Variants in DOT1L observed in about 807,000 individuals in gnomAD.
The protein encoded by DOT1L is histone-lysine N-methyltransferase, H3 lysine-79 specific.
A neutral mutation model predicts 153.3 loss-of-function variants in DOT1L; 33 were observed. The ratio of observed to expected loss-of-function variants is 0.22; its 90% CI spans 0.16 to 0.29. DOT1L has a LOEUF of 0.29. DOT1L is among the 10% of genes least tolerant of loss of function. The pLI is 1.00. For missense variants in DOT1L, 1,847 were observed against 2,119.9 expected (o/e 0.87, Z 2.53); for synonymous variants, 1,135 against 965.1 (o/e 1.18, Z -3.26).
At position 2,190,878 on chromosome 19, in the gene DOT1L, C is replaced by T. The variant is rs2022763132; in HGVS notation, c.265-134C>T. 6.2e-6 allele frequency: 5 copies of T among 806,578 alleles called. No individual in the cohort carries two copies. Among genetic ancestry groups the T allele is most frequent in the Admixed American group, 2.5e-5 (1 of 39,402 alleles). The allele number at this position is 806,578 out of a possible 1,614,324, so 50.0% of individuals were successfully genotyped here. On this transcript the variant is annotated intron_variant, in intron 4 of 27. Coordinates refer to ENST00000398665, the MANE Select transcript of DOT1L (RefSeq NM_032482.3). The surrounding 1 kb of genome is among the most constrained non-coding windows in gnomAD (Gnocchi z 4.8). ...GTTGGAAACTGACCTGGGAGCCCGGCAGCCACCCTGCAGGGGGACGAGAGG... is the reference window on the plus strand; with the variant it reads ...GTTGGAAACTGACCTGGGAGCCCGGTAGCCACCCTGCAGGGGGACGAGAGG...
At chr19:2,194,726 G>T (rs1014683214) in intron 7 of DOT1L, 149 bp downstream of exon 7, 26 of 848,166 alleles carry the variant, frequency 3.1e-5, no homozygotes, top group Non-Finnish European at 4.3e-5. Context: ...TCGTAGGGCT[G>T]CCTGGGCGTG....
At chr19:2,211,658 G>A (rs2023719731) in intron 15 of DOT1L, 93 bp from the exon 16 acceptor site, 11 of 1,127,730 alleles carry the variant, frequency 9.8e-6, no homozygotes, top group Middle Eastern at 2.0e-4. Flanking sequence ...GACACCTGCC[G>A]AGGCCTGGGA....
chr19:2,174,673 G>A (rs1190831492), intron 1 of DOT1L, among the ~76,000 whole-genome samples: 1 of 151,968 alleles, frequency 6.6e-6, no homozygotes, highest in Non-Finnish European at 1.5e-5. Flanking sequence ...AGGCTGGAGT[G>A]CAGTGGTGTG....
In DOT1L at chr19:2,207,325, C is replaced by T. The variant is rs1307220378; in HGVS notation, c.857-249C>T. Among the ~76,000 whole-genome samples the T allele has an allele frequency of 6.6e-6, 1 of 152,238 alleles. No individual in the cohort carries two copies. The highest frequency in any genetic ancestry group is 1.5e-5 in the Non-Finnish European group (1 of 68,034). On this transcript the variant is annotated intron_variant, in intron 10 of 27. Coordinates refer to ENST00000398665, the MANE Select transcript of DOT1L (RefSeq NM_032482.3). The surrounding 1 kb of genome is among the most constrained non-coding windows in gnomAD (Gnocchi z 4.5). Reference sequence around the variant, plus strand: ...GTCGCTTCCAGATCTTCTCCCCCTCCTTTTCCATTCCACTCAGCTGGGTTT... The same window carrying T: ...GTCGCTTCCAGATCTTCTCCCCCTCTTTTTCCATTCCACTCAGCTGGGTTT...
chr19:2,218,604 A>G lies in DOT1L; in HGVS notation c.2691+686A>G, dbSNP rs59833042. On this transcript the variant is annotated intron_variant, in intron 22 of 27. Transcript: ENST00000398665. The stretch of plus-strand genomic sequence containing the variant: ...GAGATGGGGTTTCACCGTGTTAGCC[A>G]GGATGGTCTTGATCTCCTGACCTAG... Among the ~76,000 whole-genome samples the G allele has an allele frequency of 6.7e-3, 1,014 of 152,118 alleles. 6 individuals carry two copies. The highest frequency in any genetic ancestry group is 0.022 in the African/African-American group (922 of 41,496).
chr19:2,211,615 A>T, intron 15 of DOT1L, 136 bp from the exon 16 acceptor site: 1 of 734,502 alleles, frequency 1.4e-6, no homozygotes, highest in Non-Finnish European at 2.2e-6. Context: ...GGGCCCCGCC[A>T]GGCTCTGCTG....
At position 2,214,518 on chromosome 19, in the gene DOT1L, G is replaced by C. The variant is rs777836214; in HGVS notation, c.1845G>C (p.Ser615=). 6.2e-7 allele frequency: 1 copy of C among 1,613,156 alleles called. No individual in the cohort carries two copies. The highest frequency in any genetic ancestry group is 8.5e-7 in the Non-Finnish European group (1 of 1,179,908). The stretch of plus-strand genomic sequence containing the variant: ...TGCAGCTGGACTGGGCCACGCTGTC[G>C]CTGGAGAAGCTGTTGAAGGAGAAGC... ...EELQLDWATL[S]LEKLLKEKQA... The change falls in exon 19 of 28, where the codon TCG becomes TCC. Residue 615 remains serine (S), a synonymous_variant. Coordinates refer to ENST00000398665, the MANE Select transcript of DOT1L (RefSeq NM_032482.3).
At chr19:2,195,968 G>T (rs2023001637) in intron 7 of DOT1L, among the ~76,000 whole-genome samples, 1 of 152,246 alleles carries the variant, frequency 6.6e-6, no homozygotes, top group Non-Finnish European at 1.5e-5. Context: ...TCCTCAGCAG[G>T]GTGCGTGGAG....
At chr19:2,172,178 G>A (rs935896292) in intron 1 of DOT1L, among the ~76,000 whole-genome samples, 3 of 151,174 alleles carry the variant, frequency 2.0e-5, no homozygotes, top group African/African-American at 7.3e-5. Flanking sequence ...TTTCTTTTTT[G>A]TTTTCTTTTC....
chr19:2,181,795 C>T (rs562878490), intron 2 of DOT1L, among the ~76,000 whole-genome samples: 3 of 151,936 alleles, frequency 2.0e-5, no homozygotes, highest in African/African-American at 7.2e-5. Context: ...GCCCCAGCCC[C>T]AGCCCAGCTG....
In DOT1L at chr19:2,222,055, G is replaced by A. The variant is rs770515105; in HGVS notation, c.2886G>A (p.Pro962=). Residue 962 remains proline (P), a synonymous_variant, in exon 24 of 28, where the codon CCG becomes CCA. Transcript: ENST00000398665. This position sits in a 1 kb window ranked among gnomAD's most constrained non-coding sequence, Gnocchi z 6.5. The part of the protein sequence containing the change: ...SPASLTPGAE[P]ATLDESSSSG... ...CCTCTCTCACACCTGGAGCCGAGCCGGCCACCTTGGATGAGTCCTCCAGCT... is the reference window on the plus strand; with the variant it reads ...CCTCTCTCACACCTGGAGCCGAGCCAGCCACCTTGGATGAGTCCTCCAGCT... 3.0e-5 allele frequency: 49 copies of A among 1,613,214 alleles called. 2 individuals carry two copies. The South Asian group carries it at 4.0e-4, about 13-fold the overall frequency.
At chr19:2,174,835 A>G (rs1053465781) in intron 1 of DOT1L, among the ~76,000 whole-genome samples, 1 of 151,602 alleles carries the variant, frequency 6.6e-6, no homozygotes, top group African/African-American at 2.4e-5. Flanking sequence ...GAGGGTCTCA[A>G]TATGTTGTCC....
intron 22 of DOT1L, among the ~76,000 whole-genome samples, chr19:2,219,063 G>A (rs2024017447): frequency 2.6e-5 from 4 of 152,224 alleles, no homozygotes; most frequent in Admixed American, 2.0e-4. Context: ...GTAGAGACAG[G>A]GTTTCACCAT....
intron 20 of DOT1L, 36 bp downstream of exon 20, chr19:2,216,801 G>A (rs772740880): frequency 1.3e-6 from 2 of 1,565,274 alleles, no homozygotes; most frequent in Non-Finnish European, 1.7e-6. Context: ...TCTGCAGCTG[G>A]TACCTGCCGA....
At chr19:2,211,244 T>G (rs1468746891) in intron 15 of DOT1L, 32 bp downstream of exon 15, 1 of 1,563,878 alleles carries the variant, frequency 6.4e-7, no homozygotes, top group Non-Finnish European at 8.7e-7. Flanking sequence ...GGCGAAGGGT[T>G]CTGGGCTTGG....
chr19:2,175,639 G>T (rs991931943), intron 1 of DOT1L, among the ~76,000 whole-genome samples: 1 of 152,114 alleles, frequency 6.6e-6, no homozygotes, highest in Admixed American at 6.6e-5. Flanking sequence ...GACCAGCCTG[G>T]CCAACGTGAT....
At chr19:2,182,425 C>A (rs928190556) in intron 2 of DOT1L, among the ~76,000 whole-genome samples, 2 of 152,168 alleles carry the variant, frequency 1.3e-5, no homozygotes, top group African/African-American at 2.4e-5. Context: ...CCTGTGGTCC[C>A]AGCTACTTGC....
chr19:2,225,487 T>C, intron 26 of DOT1L, 35 bp downstream of exon 26: 1 of 1,606,708 alleles, frequency 6.2e-7, no homozygotes, highest in South Asian at 1.1e-5. Flanking sequence ...TGGCCAGGCC[T>C]GTCCGTGTGG....
rs1400104618 is a variant in DOT1L at position 2,210,490 on chromosome 19, G to C, written c.1096G>C (p.Gly366Arg). Residue 366 changes from glycine to arginine, a missense_variant, in exon 13 of 28, where the codon GGC becomes CGC. Transcript: ENST00000398665. ...TAAGGGCCCAGAGGGCAAGGTGGCCGGCCCCGCCGACGCCCCCATGGTAAG... is the reference window on the plus strand; with the variant it reads ...TAAGGGCCCAGAGGGCAAGGTGGCCCGCCCCGCCGACGCCCCCATGGTAAG... ...PTKGPEGKVA[G>R]PADAPMDSGA... 44 of 1,593,958 alleles carry C rather than the reference G, an allele frequency of 2.8e-5. No homozygotes were observed. The highest frequency in any genetic ancestry group is 3.3e-5 in the Non-Finnish European group (39 of 1,171,916).
Sources: gnomAD v4.1 joint callset for allele counts (sites outside exome capture counted in the v4.1 genomes callset) on GRCh38, gnomAD v4.1.1 for gene constraint, Gnocchi (gnomAD v3.1) non-coding constraint, MANE v1.5 for transcripts, NCBI Gene and HGNC (gene_info 2026-07-23, HGNC 2026-07-21) for gene names.